Variants in CYREN observed in about 807,000 individuals in gnomAD.
CYREN encodes the protein cell cycle regulator of non-homologous end joining.
A neutral mutation model predicts 9.7 loss-of-function variants in CYREN; 7 were observed. The observed-to-expected ratio is 0.72, with a 90% CI of 0.41 to 1.36. The LOEUF is 1.36. Ranked by LOEUF, CYREN falls within the 40% of genes most tolerant of loss-of-function variation. CYREN has a pLI of 0.01. For synonymous variants in CYREN, 76 were observed against 77.9 expected, an observed-to-expected ratio of 0.98 and a Z score of 0.13; for missense variants, 215 against 198.1, an observed-to-expected ratio of 1.09 and a Z score of -0.51.
intron 2 of CYREN, among the ~76,000 whole-genome samples, chr7:135,156,644 G>A (rs1446274705): frequency 6.6e-6 from 1 of 152,022 alleles, no homozygotes; most frequent in Non-Finnish European, 1.5e-5. Context: ...TTAGTTTTCA[G>A]ATTTCTCTTG....
chr7:135,093,956 T>C (rs989472757), exon 3 of CYREN: 6 of 168,800 alleles, frequency 3.6e-5, no homozygotes, highest in Non-Finnish European at 7.6e-5. Flanking sequence ...TATATTTCAA[T>C]TGATTTTTCA....
rs939677705 is a variant in CYREN at position 135,169,016 on chromosome 7, G to A, written c.-94C>T. 69 of 1,209,450 alleles carry A rather than the reference G, an allele frequency of 5.7e-5. No homozygotes were observed. The highest frequency in any genetic ancestry group is 6.8e-5 in the Non-Finnish European group (60 of 879,076). The allele number at this position is 1,209,450 out of a possible 1,614,324, so 74.9% of individuals were successfully genotyped here. A position where few individuals can be genotyped will look rare whatever the true frequency, so the allele number is the denominator to read the frequency against. ...AAATCTCGTTCTCTCGTCACACCCGGAATTACAGGTCCATTTGTCCTCAGT... is the reference window on the plus strand; with the variant it reads ...AAATCTCGTTCTCTCGTCACACCCGAAATTACAGGTCCATTTGTCCTCAGT... On this transcript the variant is annotated 5_prime_UTR_variant, in exon 2 of 4. Transcript: ENST00000393114.
At chr7:135,164,720 C>A (rs1201569106), downstream of CYREN, 1 of 1,614,132 alleles carries the variant, frequency 6.2e-7, no homozygotes, top group Non-Finnish European at 8.5e-7. Flanking sequence ...CCCTGGTCCT[C>A]ACCCTCTTTG....
chr7:135,096,775 GAAAGAAAGAAAGAA>G (rs1350362783), intron 2 of CYREN, among the ~76,000 whole-genome samples: 1 of 148,540 alleles, frequency 6.7e-6, no homozygotes, highest in East Asian at 2.0e-4. Flanking sequence ...AAGAAAGAAA[GAAAGAAAGAAAGAA>G]AGAAAAAGGG....
At chr7:135,120,993 C>T (rs566788124) in intron 2 of CYREN, among the ~76,000 whole-genome samples, 1 of 152,192 alleles carries the variant, frequency 6.6e-6, no homozygotes, top group African/African-American at 2.4e-5. Context: ...TACCTGAGGT[C>T]GGGAGTTTGA....
intron 2 of CYREN, among the ~76,000 whole-genome samples, chr7:135,094,999 T>C (rs1822446466): frequency 6.6e-6 from 1 of 152,180 alleles, no homozygotes; most frequent in African/African-American, 2.4e-5. Flanking sequence ...AGTTCCCTTG[T>C]TGGTCTCACA....
At chr7:135,138,955 T>C (rs772367698) in intron 2 of CYREN, among the ~76,000 whole-genome samples, 1 of 152,094 alleles carries the variant, frequency 6.6e-6, no homozygotes, top group Non-Finnish European at 1.5e-5. Flanking sequence ...TAGTATTCTA[T>C]GGTATATGTG....
At chr7:135,137,538 C>A (rs1799389582) in intron 2 of CYREN, among the ~76,000 whole-genome samples, 1 of 151,718 alleles carries the variant, frequency 6.6e-6, no homozygotes, top group African/African-American at 2.4e-5. Flanking sequence ...AGAAAGCTCA[C>A]AGAATACCAG....
In CYREN at chr7:135,130,238, C is replaced by T. The variant is rs190939097; in HGVS notation, n.357-35656G>A. ...CTGGAGGAAGCCCTTTACTCTGTAA[C>T]TGACTGGATGGTCCAGTGTCATTTT... On this transcript the variant is annotated intron_variant and non_coding_transcript_variant, in intron 2 of 2. Transcript: ENST00000459937. Among the ~76,000 whole-genome samples the T allele has an allele frequency of 2.6e-4, 39 of 152,338 alleles. No individual in the cohort carries two copies. The East Asian group carries it at 7.3e-3, about 29-fold the overall frequency.
In CYREN at chr7:135,153,456, CA is replaced by C. The variant is rs55776467; in HGVS notation, n.356+15292del. On this transcript the variant is annotated intron_variant and non_coding_transcript_variant, in intron 2 of 2. Transcript: ENST00000459937. ...GCAACACAGCAAGACTCCATCTCCA[CA>C]AAAAAAAAAAAAAAAAAAAGTCTAA... is the stretch of plus-strand genomic sequence containing the variant. Among the ~76,000 whole-genome samples the C allele has an allele frequency of 4.3e-3, 353 of 81,342 alleles. 2 individuals are homozygous for C. The highest frequency in any genetic ancestry group is 0.02 in the Middle Eastern group (2 of 102). The allele number at this position is 81,342 out of a possible 152,430, so 53.4% of individuals were successfully genotyped here.
At position 135,151,239 on chromosome 7, in the gene CYREN, C is replaced by A. The variant is rs1418293338; in HGVS notation, n.356+17510G>T. On this transcript the variant is annotated intron_variant and non_coding_transcript_variant, in intron 2 of 2. Transcript: ENST00000459937. The surrounding 1 kb of genome is among the most constrained non-coding windows in gnomAD (Gnocchi z 4.3). ...AACACTGGTGAAATCCAGGAGCTGC[C>A]ACCACCTACACACTGTTGAAAAACA... Among the ~76,000 whole-genome samples, 1 of 152,200 alleles carries A rather than the reference C, an allele frequency of 6.6e-6. No homozygotes were observed. Among genetic ancestry groups the A allele is most frequent in the Non-Finnish European group, 1.5e-5 (1 of 68,036 alleles).
chr7:135,095,041 C>A (rs1222817846), intron 2 of CYREN, among the ~76,000 whole-genome samples: 3 of 152,130 alleles, frequency 2.0e-5, no homozygotes, highest in Non-Finnish European at 4.4e-5. Context: ...GAGTAAGTAG[C>A]CCAAGATAGA....
At position 135,166,125 on chromosome 7, in the gene CYREN, C is replaced by A. The variant is rs1830114350; in HGVS notation, c.*486G>T. 1 of 152,858 alleles carries A rather than the reference C, an allele frequency of 6.5e-6. No homozygotes were observed. The highest frequency in any genetic ancestry group is 1.5e-5 in the Non-Finnish European group (1 of 68,488). 9.5% of individuals were successfully genotyped at this position (152,858 alleles called of 1,614,324 possible). A position where few individuals can be genotyped will look rare whatever the true frequency, so the allele number is the denominator to read the frequency against. ...TAGGCTGGCTGGAGAGGTGGGAGCT[C>A]ATTGATAGACTCATGATGGAAACTA... On this transcript the variant is annotated 3_prime_UTR_variant, in exon 4 of 4. Transcript: ENST00000393114.
chr7:135,124,640 A>G (rs759920011), intron 2 of CYREN, among the ~76,000 whole-genome samples: 7 of 152,312 alleles, frequency 4.6e-5, no homozygotes, highest in Non-Finnish European at 1.0e-4. Flanking sequence ...CTGACCACAT[A>G]ATTGGAAGTA....
At chr7:135,150,524 A>G (rs540315247) in intron 2 of CYREN, among the ~76,000 whole-genome samples, 195 of 152,328 alleles carry the variant, frequency 1.3e-3, no homozygotes, top group African/African-American at 4.5e-3. Flanking sequence ...CAGAGTTACA[A>G]GATGAAATGC....
intron 2 of CYREN, chr7:135,115,450 T>C (rs775534165): frequency 1.3e-6 from 2 of 1,551,338 alleles, no homozygotes; most frequent in Non-Finnish European, 1.7e-6. Context: ...CTGGCATAAA[T>C]TGGACAGATG....
chr7:135,093,034 A>G (rs868845619), exon 3 of CYREN: 3 of 113,308 alleles, frequency 2.6e-5, no homozygotes, highest in African/African-American at 9.0e-5. Context: ...ATCTTCCTCT[A>G]CTAAAAAAAA....
At chr7:135,095,407 A>T (rs1266396673) in intron 2 of CYREN, among the ~76,000 whole-genome samples, 2 of 152,232 alleles carry the variant, frequency 1.3e-5, no homozygotes, top group East Asian at 3.8e-4. Flanking sequence ...CCTAAAGACA[A>T]CAGGAGAGAC....
At chr7:135,134,912 T>A in intron 2 of CYREN, 5 of 1,551,146 alleles carry the variant, frequency 3.2e-6, no homozygotes, top group Non-Finnish European at 4.4e-6. Context: ...AATCACCCTT[T>A]TGTAATCCAA....
Sources: gnomAD v4.1 joint callset for allele counts (sites outside exome capture counted in the v4.1 genomes callset) on GRCh38, gnomAD v4.1.1 for gene constraint, Gnocchi (gnomAD v3.1) non-coding constraint, MANE v1.5 for transcripts, NCBI Gene and HGNC (gene_info 2026-07-23, HGNC 2026-07-21) for gene names.